The following APOL3 variants were observed in gnomAD, a reference collection of about 807,000 sequenced individuals.
APOL3 encodes apolipoprotein L3, also known as TNF-inducible protein CG12-1.
Under a neutral mutation model 11.6 loss-of-function variants are expected in APOL3, and 14 were observed. The observed-to-expected ratio is 1.21, with a 90% CI of 0.80 to 1.89. APOL3 has a LOEUF of 1.89. Ranked by LOEUF, APOL3 falls within the 40% of genes most tolerant of loss-of-function variation. APOL3 has a pLI of 0.00. For synonymous variants in APOL3, 192 were observed against 190.6 expected, an observed-to-expected ratio of 1.01 and a Z score of -0.06; for missense variants, 483 against 492.1, an observed-to-expected ratio of 0.98 and a Z score of 0.17.
chr22:36,141,409 T>C (rs1243321464), exon 3 of APOL3: 1 of 1,614,176 alleles, frequency 6.2e-7, no homozygotes, highest in East Asian at 2.2e-5. Context: ...GCTCCTCTGC[T>C]CACTGCCCGG....
At chr22:36,158,981 G>GTT (rs1304857502) in intron 1 of APOL3, among the ~76,000 whole-genome samples, 2 of 152,222 alleles carry the variant, frequency 1.3e-5, no homozygotes, top group Admixed American at 6.5e-5. Context: ...GTGTGTGTGT[G>GTT]TGTGTGTGTG....
At chr22:36,152,466 C>T (rs2011915719) in intron 1 of APOL3, among the ~76,000 whole-genome samples, 1 of 152,016 alleles carries the variant, frequency 6.6e-6, no homozygotes, top group South Asian at 2.1e-4. Context: ...AATTAATGTT[C>T]CATGGTAAAG....
intron 2 of APOL3, among the ~76,000 whole-genome samples, chr22:36,143,684 A>G (rs1181964668): frequency 6.6e-6 from 1 of 152,190 alleles, no homozygotes; most frequent in East Asian, 1.9e-4. Flanking sequence ...CTGGCTGCAC[A>G]TGAACTCTCA....
chr22:36,145,062 C>A (rs1009047496), intron 2 of APOL3, among the ~76,000 whole-genome samples: 9 of 151,168 alleles, frequency 6.0e-5, no homozygotes, highest in Admixed American at 2.0e-4. Flanking sequence ...CACTTTTGGT[C>A]CTGGTCTCTC....
upstream of APOL3, among the ~76,000 whole-genome samples, chr22:36,163,557 G>C (rs1187710353): frequency 6.6e-6 from 1 of 152,172 alleles, no homozygotes; most frequent in African/African-American, 2.4e-5. Flanking sequence ...GAATCTAGGG[G>C]ACAAATGTTT....
upstream of APOL3, among the ~76,000 whole-genome samples, chr22:36,161,847 C>G (rs980998724): frequency 9.1e-5 from 10 of 110,006 alleles, no homozygotes; most frequent in Admixed American, 1.1e-3. Flanking sequence ...AAAGAGATGA[C>G]GAGAAAAAGG....
At chr22:36,145,673 T>A in intron 1 of APOL3, 74 bp from the exon 3 acceptor site, 1 of 1,567,504 alleles carries the variant, frequency 6.4e-7, no homozygotes, top group Non-Finnish European at 8.7e-7. Context: ...ATAAGGTGGT[T>A]CGAGGTTAAT....
intron 1 of APOL3, among the ~76,000 whole-genome samples, chr22:36,150,255 A>C (rs748113435): frequency 2.6e-5 from 4 of 152,228 alleles, no homozygotes; most frequent in Non-Finnish European, 5.9e-5. Context: ...TTTATTGACT[A>C]TCCCTTCAAG....
intron 1 of APOL3, chr22:36,156,613 G>A (rs1012525474): frequency 1.9e-5 from 4 of 214,694 alleles, no homozygotes; most frequent in Admixed American, 1.4e-4. Flanking sequence ...CCTCCCCTTG[G>A]AATGCCTCCC....
intron 1 of APOL3, chr22:36,149,438 G>A: frequency 7.9e-7 from 1 of 1,262,818 alleles, no homozygotes; most frequent in African/African-American, 1.5e-5. Context: ...AGAAACTACA[G>A]AGTCTATACA....
chr22:36,141,526 T>C (rs777855371), exon 3 of APOL3: 18 of 1,614,042 alleles, frequency 1.1e-5, no homozygotes, highest in Admixed American at 1.7e-5. Flanking sequence ...ATGGCACGGA[T>C]TTCACTCCCA....
At chr22:36,152,700 C>T (rs780197961) in intron 1 of APOL3, among the ~76,000 whole-genome samples, 20 of 152,164 alleles carry the variant, frequency 1.3e-4, no homozygotes, top group Admixed American at 2.6e-4. Context: ...ACCTGGAGCC[C>T]CTAGCTAGTG....
intron 1 of APOL3, among the ~76,000 whole-genome samples, chr22:36,152,084 G>A (rs573302663): frequency 4.7e-4 from 72 of 152,204 alleles, no homozygotes; most frequent in Non-Finnish European, 7.1e-4. Context: ...CAGGGAGAAG[G>A]AAATGCAAGG....
At chr22:36,161,001 C>A (rs989533610), upstream of APOL3, 44 of 981,790 alleles carry the variant, frequency 4.5e-5, no homozygotes, top group African/African-American at 7.1e-4. Flanking sequence ...TGGGGGTTTG[C>A]TGTGTCTTCA....
In APOL3 at chr22:36,149,399, A is replaced by T. The variant is rs775565900; in HGVS notation, c.224-3800T>A. ...GTAGGGGTATGAAGAGAAGATAATC[A>T]GAGGAAGGGATGGACATCTGATAAT... On this transcript the variant is annotated intron_variant, in intron 1 of 2. Transcript: ENST00000349314. 1.0e-5 allele frequency: 13 copies of T among 1,303,986 alleles called. No individual in the cohort carries two copies. The South Asian group carries it at 1.6e-4, about 16-fold the overall frequency. 80.8% of individuals were successfully genotyped at this position (1,303,986 alleles called of 1,614,324 possible). A position where few individuals can be genotyped will look rare whatever the true frequency, so the allele number is the denominator to read the frequency against.
exon 3 of APOL3, chr22:36,141,781 G>A (rs2060004728): frequency 6.2e-6 from 10 of 1,614,186 alleles, no homozygotes; most frequent in Non-Finnish European, 8.5e-6. Context: ...GCTGTAAATG[G>A]TGCCAAAACA....
intron 1 of APOL3, among the ~76,000 whole-genome samples, chr22:36,157,237 A>G (rs1210277271): frequency 6.6e-6 from 1 of 152,168 alleles, no homozygotes; most frequent in Non-Finnish European, 1.5e-5. Flanking sequence ...CCAGGCCTGC[A>G]TCTGGGCCCA....
Position 36,144,339 on chromosome 22 carries a change from G to A in APOL3, c.350+1134C>T, listed in dbSNP as rs757115816. On this transcript the variant is annotated intron_variant, in intron 2 of 2. Coordinates refer to ENST00000349314, the Ensembl canonical transcript of APOL3. ...TGACCCCTGGCTCTGCCCCTGAAAC[G>A]TCTCTCTGGGTCTTTGGATGGCATC... 4.6e-5 allele frequency among the ~76,000 whole-genome samples: 7 copies of A among 151,944 alleles called. No individual in the cohort carries two copies. The East Asian group carries it at 7.7e-4, about 17-fold the overall frequency.
intron 1 of APOL3, among the ~76,000 whole-genome samples, chr22:36,153,675 C>A (rs1343836905): frequency 1.3e-5 from 2 of 152,194 alleles, no homozygotes; most frequent in African/African-American, 2.4e-5. Context: ...AAGGGATGCC[C>A]ACTGGTCAGT....
Sources: gnomAD v4.1 joint callset for allele counts (sites outside exome capture counted in the v4.1 genomes callset) on GRCh38, gnomAD v4.1.1 for gene constraint, MANE v1.5 for transcripts, NCBI Gene and HGNC (gene_info 2026-07-23, HGNC 2026-07-21) for gene names.